The following PDE4D variants were observed in gnomAD, a reference collection of about 807,000 sequenced individuals.
The protein encoded by PDE4D is phosphodiesterase 4D.
Under a neutral mutation model 87.4 loss-of-function variants are expected in PDE4D, and 24 were observed. The ratio of observed to expected loss-of-function variants is 0.27; its 90% CI spans 0.20 to 0.39. PDE4D has a LOEUF of 0.39. PDE4D is among the 10% of genes least tolerant of loss of function. PDE4D has a pLI of 1.00. For missense variants in PDE4D, 714 were observed against 1,041.0 expected (o/e 0.69, Z 4.32); for synonymous variants, 384 against 383.2 (o/e 1.00, Z -0.02).
chr5:59,893,385 G>A lies in PDE4D; in HGVS notation c.238C>T (p.Pro80Ser), dbSNP rs759869715. Residue 80 changes from proline to serine, a missense_variant, in exon 1 of 15, where the codon CCC becomes TCC. Transcript: ENST00000340635. ...GGCGGCGGCGGGGGCGGCGGCAGGG[G>A]GGGCGGCGGCGGCGGCTGTAGCGGA... is the stretch of plus-strand genomic sequence containing the variant. ...QCPLQPPPPP[P>S]LPPPPPPPGA... 1.6e-6 allele frequency: 2 copies of A among 1,267,712 alleles called. No homozygotes were observed. Among genetic ancestry groups the A allele is most frequent in the South Asian group, 3.2e-5 (1 of 31,706 alleles). 78.5% of individuals were successfully genotyped at this position (1,267,712 alleles called of 1,614,324 possible).
At chr5:59,378,612 C>G (rs1328604640) in intron 1 of PDE4D, among the ~76,000 whole-genome samples, 2 of 152,130 alleles carry the variant, frequency 1.3e-5, no homozygotes, top group Non-Finnish European at 2.9e-5. Flanking sequence ...TATGTTCACC[C>G]TTTTAGGTAT....
chr5:59,489,863 G>C (rs1053905217), intron 1 of PDE4D, among the ~76,000 whole-genome samples: 1 of 152,070 alleles, frequency 6.6e-6, no homozygotes. Context: ...GTTTTCTATA[G>C]AGCACATCTT....
At chr5:60,446,515 A>G (rs1745656031) in intron 1 of PDE4D, among the ~76,000 whole-genome samples, 1 of 152,160 alleles carries the variant, frequency 6.6e-6, no homozygotes, top group Non-Finnish European at 1.5e-5. Flanking sequence ...TACTAGCCTG[A>G]GACAACACCA....
At chr5:59,984,039 T>A (rs74661956) in intron 3 of PDE4D, among the ~76,000 whole-genome samples, 1 of 151,666 alleles carries the variant, frequency 6.6e-6, no homozygotes, top group African/African-American at 2.4e-5. Flanking sequence ...AACATGGATA[T>A]CAAAAAAAAA....
intron 5 of PDE4D, among the ~76,000 whole-genome samples, chr5:59,106,260 C>A (rs1057096717): frequency 3.9e-5 from 6 of 152,144 alleles, no homozygotes; most frequent in African/African-American, 1.4e-4. Context: ...ACTACCAATG[C>A]ACATGTGTAG....
At chr5:59,640,717 G>A (rs190151111) in intron 1 of PDE4D, among the ~76,000 whole-genome samples, 152 of 152,244 alleles carry the variant, frequency 1.0e-3, no homozygotes, top group Non-Finnish European at 1.6e-3. Flanking sequence ...CACAAATCCT[G>A]CCTGATAATA....
chr5:60,501,393 T>A (rs374389215), intron 1 of PDE4D, among the ~76,000 whole-genome samples: 1 of 151,616 alleles, frequency 6.6e-6, no homozygotes, highest in African/African-American at 2.4e-5. Flanking sequence ...CTTAATCCAG[T>A]CTATCATTGT....
chr5:59,251,123 G>A (rs1241559162), intron 1 of PDE4D, among the ~76,000 whole-genome samples: 2 of 152,116 alleles, frequency 1.3e-5, no homozygotes, highest in Non-Finnish European at 1.5e-5. Context: ...AGCAGGCAAA[G>A]ATTCATGACA....
At chr5:60,120,813 ACTG>A (rs1778609582) in intron 2 of PDE4D, among the ~76,000 whole-genome samples, 1 of 152,050 alleles carries the variant, frequency 6.6e-6, no homozygotes, top group South Asian at 2.1e-4. Flanking sequence ...GATAGTTAAC[ACTG>A]AGTGTCAACT....
At chr5:59,792,528 G>A (rs1186200720) in intron 1 of PDE4D, among the ~76,000 whole-genome samples, 1 of 151,974 alleles carries the variant, frequency 6.6e-6, no homozygotes, top group Non-Finnish European at 1.5e-5. Flanking sequence ...AACAATGCAT[G>A]TGATGTATTT....
At chr5:59,340,353 CAA>C (rs111918443) in intron 1 of PDE4D, among the ~76,000 whole-genome samples, 2 of 152,080 alleles carry the variant, frequency 1.3e-5, no homozygotes, top group Non-Finnish European at 1.5e-5. Flanking sequence ...AGCCATATTA[CAA>C]AAAGTTATTT....
intron 5 of PDE4D, among the ~76,000 whole-genome samples, chr5:59,040,995 C>A (rs929954065): frequency 6.6e-6 from 1 of 152,214 alleles, no homozygotes; most frequent in African/African-American, 2.4e-5. Context: ...AATACTTGAA[C>A]TATTTACTGT....
At chr5:60,293,234 T>C (rs1021536395) in intron 1 of PDE4D, among the ~76,000 whole-genome samples, 9 of 152,088 alleles carry the variant, frequency 5.9e-5, no homozygotes, top group African/African-American at 1.9e-4. Context: ...TTAAAATACT[T>C]AAAAAGATGT....
At chr5:60,305,066 C>CACA (rs1554202241) in intron 1 of PDE4D, among the ~76,000 whole-genome samples, 498 of 150,216 alleles carry the variant, frequency 3.3e-3, no homozygotes, top group South Asian at 0.024. Context: ...CACACACACA[C>CACA]ACACAACACA....
At chr5:59,939,630 C>A (rs1254182578) in intron 3 of PDE4D, among the ~76,000 whole-genome samples, 1 of 152,010 alleles carries the variant, frequency 6.6e-6, no homozygotes, top group Non-Finnish European at 1.5e-5. Context: ...AAACGAAGGG[C>A]AAATTAGGTA....
chr5:59,559,721 A>G (rs1819620191), intron 1 of PDE4D, among the ~76,000 whole-genome samples: 1 of 152,212 alleles, frequency 6.6e-6, no homozygotes, highest in African/African-American at 2.4e-5. Flanking sequence ...GATTAAAAAA[A>G]AATGTTTTCC....
intron 1 of PDE4D, among the ~76,000 whole-genome samples, chr5:60,386,060 A>T (rs898359080): frequency 4.6e-5 from 7 of 152,212 alleles, no homozygotes; most frequent in African/African-American, 1.7e-4. Flanking sequence ...CAATGCAAAA[A>T]AAAGAGGAAA....
At chr5:60,314,339 T>C (rs1385216800) in intron 1 of PDE4D, among the ~76,000 whole-genome samples, 2 of 151,994 alleles carry the variant, frequency 1.3e-5, no homozygotes, top group Non-Finnish European at 2.9e-5. Flanking sequence ...ACTGATTTTT[T>C]GTATTTTAGT....
chr5:59,688,927 G>T (rs1194407192), intron 1 of PDE4D, among the ~76,000 whole-genome samples: 4 of 152,140 alleles, frequency 2.6e-5, no homozygotes, highest in Admixed American at 2.0e-4. Flanking sequence ...TACTATCAGA[G>T]AATACTATAA....
Sources: allele counts gnomAD v4.1 joint callset (sites outside exome capture counted in the v4.1 genomes callset), GRCh38; gene constraint gnomAD v4.1.1; transcripts MANE v1.5; gene names NCBI Gene and HGNC (gene_info 2026-07-23, HGNC 2026-07-21).